GNG12: variants seen among roughly 807,000 people sequenced by gnomAD.
The protein encoded by GNG12 is guanine nucleotide-binding protein G(I)/G(S)/G(O) subunit gamma-12.
For synonymous variants in GNG12, 28 were observed against 29.7 expected (o/e 0.94, Z 0.19); for missense variants, 69 against 83.8 (o/e 0.82, Z 0.69).
intron 1 of GNG12, among the ~76,000 whole-genome samples, chr1:67,793,144 T>C (rs1646811060): frequency 1.3e-5 from 2 of 152,204 alleles, no homozygotes; most frequent in Admixed American, 6.5e-5. Flanking sequence ...TGAAGCATAA[T>C]CTTTCTGGAT....
chr1:67,740,649 T>C (rs1035525853), intron 2 of GNG12, among the ~76,000 whole-genome samples: 2 of 152,238 alleles, frequency 1.3e-5, no homozygotes, highest in East Asian at 1.9e-4. Context: ...AAAATTCATA[T>C]GTTGAAATCC....
At chr1:67,794,098 C>T (rs1646816366) in intron 1 of GNG12, among the ~76,000 whole-genome samples, 2 of 152,196 alleles carry the variant, frequency 1.3e-5, no homozygotes, top group Admixed American at 1.3e-4. Context: ...TCCCTTAACC[C>T]AGATAATAAA....
chr1:67,712,655 T>C (rs1405141763), intron 2 of GNG12, among the ~76,000 whole-genome samples: 1 of 151,908 alleles, frequency 6.6e-6, no homozygotes, highest in Non-Finnish European at 1.5e-5. Context: ...ATCATACCAT[T>C]GCACCCCAGC....
intron 1 of GNG12, among the ~76,000 whole-genome samples, chr1:67,779,327 C>T (rs1408251005): frequency 1.3e-5 from 2 of 152,172 alleles, no homozygotes; most frequent in African/African-American, 4.8e-5. Context: ...GTCAGTGACA[C>T]CGTAGGGCTG....
Position 67,759,164 on chromosome 1 carries a change from C to T in GNG12, c.-27+18294G>A, listed in dbSNP as rs186112690. ...CCCCCAAATATGCACAACTATTATA[C>T]AACAATAAAAAATGTTTTAAGAAGT... On this transcript the variant is annotated intron_variant, in intron 2 of 3. Transcript: ENST00000370982. Among the ~76,000 whole-genome samples, 43 of 152,262 alleles carry T rather than the reference C, an allele frequency of 2.8e-4. 1 individual carries two copies. The highest frequency in any genetic ancestry group is 2.4e-3 in the Admixed American group (36 of 15,302).
chr1:67,757,277 C>T (rs551954254), intron 2 of GNG12, among the ~76,000 whole-genome samples: 1 of 152,298 alleles, frequency 6.6e-6, no homozygotes, highest in East Asian at 1.9e-4. Context: ...AGGGAATTTT[C>T]CACTTCTGGT....
intron 1 of GNG12, among the ~76,000 whole-genome samples, chr1:67,829,591 C>A (rs1331938573): frequency 6.6e-6 from 1 of 152,122 alleles, no homozygotes; most frequent in Non-Finnish European, 1.5e-5. Flanking sequence ...GGACTATGCA[C>A]CAGGCACTAT....
intron 2 of GNG12, among the ~76,000 whole-genome samples, chr1:67,736,232 C>T (rs1231011678): frequency 2.6e-5 from 4 of 152,110 alleles, no homozygotes; most frequent in Admixed American, 6.5e-5. Flanking sequence ...CCTGACACAA[C>T]GCCCACCTCT....
intron 1 of GNG12, among the ~76,000 whole-genome samples, chr1:67,818,490 G>T (rs989052261): frequency 7.7e-6 from 1 of 129,508 alleles, no homozygotes; most frequent in African/African-American, 2.9e-5. Flanking sequence ...TCAGCGAAAA[G>T]GAACTGCCAA....
intron 2 of GNG12, among the ~76,000 whole-genome samples, chr1:67,752,004 AAG>A (rs1199642431): frequency 6.6e-6 from 1 of 152,228 alleles, no homozygotes; most frequent in Non-Finnish European, 1.5e-5. Flanking sequence ...GTCTTTCAGC[AAG>A]AGTTATTACC....
intron 2 of GNG12, among the ~76,000 whole-genome samples, chr1:67,737,841 C>G (rs888113460): frequency 6.6e-6 from 1 of 152,188 alleles, no homozygotes; most frequent in Non-Finnish European, 1.5e-5. Context: ...AGGGCTCACC[C>G]TTTGCAATAA....
intron 2 of GNG12, among the ~76,000 whole-genome samples, chr1:67,765,473 A>G (rs778508082): frequency 3.9e-5 from 6 of 152,362 alleles, no homozygotes; most frequent in East Asian, 3.9e-4. Context: ...AAGGGAACAC[A>G]TTAGAAGCTA....
chr1:67,736,838 G>A (rs931177972), intron 2 of GNG12, among the ~76,000 whole-genome samples: 1 of 152,136 alleles, frequency 6.6e-6, no homozygotes, highest in Non-Finnish European at 1.5e-5. Flanking sequence ...GTTTCCTCAC[G>A]TAAGATGAGA....
intron 1 of GNG12, among the ~76,000 whole-genome samples, chr1:67,818,947 T>C (rs1057008961): frequency 5.3e-5 from 8 of 152,134 alleles, no homozygotes; most frequent in African/African-American, 1.9e-4. Flanking sequence ...TGAATCTTCA[T>C]TACTAGACTG....
Position 67,726,589 on chromosome 1 carries a change from A to T in GNG12, c.-26-18877T>A, listed in dbSNP as rs190910174. Among the ~76,000 whole-genome samples, 30 of 152,374 alleles carry T rather than the reference A, an allele frequency of 2.0e-4. 1 individual carries two copies. Among genetic ancestry groups the T allele is most frequent in the Admixed American group, 5.2e-4 (8 of 15,300 alleles). On this transcript the variant is annotated intron_variant, in intron 2 of 3. Transcript: ENST00000370982. ...CAGAATTTATGAAACAAATGAGATG[A>T]TGTCACATTACAAAAAGATTCCTCC...
intron 2 of GNG12, among the ~76,000 whole-genome samples, chr1:67,775,691 T>C (rs963120168): frequency 2.6e-5 from 4 of 152,202 alleles, no homozygotes; most frequent in African/African-American, 9.6e-5. Context: ...AGCTGGGAAG[T>C]GAGTAGGAGC....
chr1:67,827,088 A>C (rs1647015230), intron 1 of GNG12, among the ~76,000 whole-genome samples: 1 of 152,256 alleles, frequency 6.6e-6, no homozygotes, highest in Non-Finnish European at 1.5e-5. Flanking sequence ...ATGCAAGTGC[A>C]GAGATGGCAA....
chr1:67,821,192 G>A (rs1570575729), intron 1 of GNG12, among the ~76,000 whole-genome samples: 1 of 152,148 alleles, frequency 6.6e-6, no homozygotes, highest in South Asian at 2.1e-4. Flanking sequence ...ACATTACATG[G>A]CAAAAGGGAC....
chr1:67,730,864 C>A (rs952357471), intron 2 of GNG12, among the ~76,000 whole-genome samples: 1 of 152,096 alleles, frequency 6.6e-6, no homozygotes, highest in South Asian at 2.1e-4. Flanking sequence ...TTTCAGAGTA[C>A]TTTTTCTCTT....
Sources: gnomAD v4.1 joint callset for allele counts (sites outside exome capture counted in the v4.1 genomes callset) on GRCh38, gnomAD v4.1.1 for gene constraint, MANE v1.5 for transcripts, NCBI Gene and HGNC (gene_info 2026-07-23, HGNC 2026-07-21) for gene names.